The following PRORP variants were observed in gnomAD, a reference collection of about 807,000 sequenced individuals.
The protein encoded by PRORP is protein only RNase P catalytic subunit.
PRORP carries 51 observed loss-of-function variants against 59.4 expected under a neutral mutation model. The observed-to-expected ratio is 0.86, with a 90% CI of 0.69 to 1.08. The LOEUF is 1.08. Among genes scored for constraint, PRORP ranks in the 50% least tolerant of loss-of-function variants. The pLI, the probability that PRORP is intolerant of heterozygous loss-of-function variation, is 0.00. For synonymous variants in PRORP, 231 were observed against 245.6 expected (o/e 0.94, Z 0.55); for missense variants, 646 against 690.3 (o/e 0.94, Z 0.72).
In PRORP at chr14:35,139,740, A is replaced by G. The variant is rs575575611; in HGVS notation, c.1167+12129A>G. Among the ~76,000 whole-genome samples the G allele has an allele frequency of 5.2e-4, 76 of 146,200 alleles. 2 individuals are homozygous for G. Among genetic ancestry groups the G allele is most frequent in the African/African-American group, 1.8e-3 (76 of 41,208 alleles). ...GTTATTGTTTCCTAGGGCTGCCCTA[A>G]CAAATTACCACAAACTGGGTAGCTT... On this transcript the variant is annotated intron_variant, in intron 4 of 7. Transcript: ENST00000534898.
intron 4 of PRORP, among the ~76,000 whole-genome samples, chr14:35,171,612 C>G (rs1045764366): frequency 1.3e-5 from 2 of 151,962 alleles, no homozygotes; most frequent in African/African-American, 4.8e-5. Context: ...CTATGATGTG[C>G]CTAGTTATAG....
chr14:35,173,795 C>A (rs1293028163), intron 4 of PRORP, among the ~76,000 whole-genome samples: 1 of 151,986 alleles, frequency 6.6e-6, no homozygotes, highest in Non-Finnish European at 1.5e-5. Context: ...TGTTCTCTCT[C>A]GTGGTTCTAG....
At chr14:35,126,213 T>C (rs2047093660) in intron 2 of PRORP, among the ~76,000 whole-genome samples, 2 of 152,050 alleles carry the variant, frequency 1.3e-5, no homozygotes, top group African/African-American at 4.8e-5. Context: ...CTGATGGTAA[T>C]ATGTGGAAGG....
intron 4 of PRORP, among the ~76,000 whole-genome samples, chr14:35,151,639 TACACACACACACACACAC>T (rs55940352): frequency 7.1e-6 from 1 of 141,728 alleles, no homozygotes; most frequent in Admixed American, 7.0e-5. Context: ...CACACACACA[TACACACACACACACACAC>T]ACACACACAC....
intron 5 of PRORP, among the ~76,000 whole-genome samples, chr14:35,186,467 T>C (rs2048744888): frequency 6.6e-6 from 1 of 152,092 alleles, no homozygotes; most frequent in African/African-American, 2.4e-5. Flanking sequence ...ACCACTATCC[T>C]ATTCCAGGAC....
intron 4 of PRORP, among the ~76,000 whole-genome samples, chr14:35,179,401 A>T (rs935757343): frequency 6.6e-6 from 1 of 152,126 alleles, no homozygotes; most frequent in African/African-American, 2.4e-5. Context: ...TGGTCTTTTC[A>T]TATAGTCCCA....
At chr14:35,240,594 A>AT (rs943510560) in intron 5 of PRORP, among the ~76,000 whole-genome samples, 9 of 152,158 alleles carry the variant, frequency 5.9e-5, no homozygotes, top group South Asian at 2.1e-4. Flanking sequence ...GGATCTCCTC[A>AT]TTTTTTTATT....
chr14:35,191,570 G>A (rs925829598), intron 5 of PRORP, among the ~76,000 whole-genome samples: 4 of 152,022 alleles, frequency 2.6e-5, no homozygotes, highest in Non-Finnish European at 4.4e-5. Flanking sequence ...GGATGTGATG[G>A]CATGCACCTG....
chr14:35,177,095 C>G, intron 4 of PRORP, among the ~76,000 whole-genome samples: 1 of 152,188 alleles, frequency 6.6e-6, no homozygotes, highest in East Asian at 1.9e-4. Context: ...ATGAAGCCCA[C>G]TTGATCGTGG....
At chr14:35,265,819 A>C (rs1409476284) in intron 5 of PRORP, among the ~76,000 whole-genome samples, 1 of 152,040 alleles carries the variant, frequency 6.6e-6, no homozygotes, top group Non-Finnish European at 1.5e-5. Flanking sequence ...TAGGAAACAA[A>C]ATCCCATCCC....
At chr14:35,269,829 T>G (rs1159022385) in intron 6 of PRORP, among the ~76,000 whole-genome samples, 1 of 152,176 alleles carries the variant, frequency 6.6e-6, no homozygotes, top group Non-Finnish European at 1.5e-5. Context: ...GCACATTTAT[T>G]AAAATAATAA....
intron 4 of PRORP, among the ~76,000 whole-genome samples, chr14:35,172,611 A>G (rs984885313): frequency 6.8e-6 from 1 of 146,074 alleles, no homozygotes; most frequent in South Asian, 2.2e-4. Flanking sequence ...GTGCAGTTGC[A>G]TGATCTCAGC....
chr14:35,207,410 T>C (rs575000873), intron 5 of PRORP, among the ~76,000 whole-genome samples: 12 of 152,354 alleles, frequency 7.9e-5, no homozygotes, highest in South Asian at 6.2e-4. Context: ...TACAAATACA[T>C]TGTTGTCCTA....
chr14:35,232,647 G>A (rs574160919), intron 5 of PRORP, among the ~76,000 whole-genome samples: 4 of 151,884 alleles, frequency 2.6e-5, no homozygotes, highest in Non-Finnish European at 5.9e-5. Flanking sequence ...ATCTGGCAAC[G>A]TCCCAAACTG....
intron 5 of PRORP, among the ~76,000 whole-genome samples, chr14:35,249,195 A>G (rs1181674885): frequency 1.3e-5 from 2 of 152,190 alleles, no homozygotes; most frequent in Non-Finnish European, 2.9e-5. Context: ...AAATCCAGCC[A>G]GACTCAAATA....
intron 7 of PRORP, among the ~76,000 whole-genome samples, chr14:35,271,437 G>A (rs1337339204): frequency 3.3e-5 from 5 of 152,048 alleles, no homozygotes; most frequent in Non-Finnish European, 7.4e-5. Flanking sequence ...GATTACAGGC[G>A]TGAGCCACCA....
intron 4 of PRORP, among the ~76,000 whole-genome samples, chr14:35,166,711 A>G (rs879136413): frequency 1.3e-5 from 2 of 152,168 alleles, no homozygotes; most frequent in Non-Finnish European, 2.9e-5. Context: ...TCGGCCTCCC[A>G]AAGTGCTGGG....
chr14:35,199,059 T>C (rs1444376584), intron 5 of PRORP, among the ~76,000 whole-genome samples: 1 of 152,112 alleles, frequency 6.6e-6, no homozygotes, highest in Non-Finnish European at 1.5e-5. Flanking sequence ...TCCCAGCTAC[T>C]CCGGAGGCTG....
rs558729720 is a variant in PRORP, at chr14:35,201,978, T to A, written c.1275+21201T>A. On this transcript the variant is annotated intron_variant, in intron 5 of 7. Transcript: ENST00000534898. Reference sequence around the variant, plus strand: ...CCGCCACAAAATTATTATTATTTTTTTTTTTTTTTGAGACAGAGTCTCGAC... The same window carrying A: ...CCGCCACAAAATTATTATTATTTTTATTTTTTTTTGAGACAGAGTCTCGAC... Among the ~76,000 whole-genome samples the A allele has an allele frequency of 1.3e-3, 200 of 149,420 alleles. 1 individual carries two copies. Among genetic ancestry groups the A allele is most frequent in the African/African-American group, 4.1e-3 (165 of 40,692 alleles).
Sources: allele counts gnomAD v4.1 joint callset (sites outside exome capture counted in the v4.1 genomes callset), GRCh38; gene constraint gnomAD v4.1.1; transcripts MANE v1.5; gene names NCBI Gene and HGNC (gene_info 2026-07-23, HGNC 2026-07-21).